The following PRKAG2 variants were observed in gnomAD, a reference collection of about 807,000 sequenced individuals.
PRKAG2 encodes 5'-AMP-activated protein kinase subunit gamma-2.
Under a neutral mutation model 69.6 loss-of-function variants are expected in PRKAG2, and 26 were observed. That is an observed-to-expected ratio of 0.37 (90% CI 0.27 to 0.52). The LOEUF (loss-of-function observed/expected upper bound fraction) is 0.52. PRKAG2 is among the 20% of genes least tolerant of loss of function. PRKAG2 has a pLI of 0.90. For synonymous variants in PRKAG2, 293 were observed against 285.0 expected (o/e 1.03, Z -0.28); for missense variants, 557 against 740.0 (o/e 0.75, Z 2.87).
intron 3 of PRKAG2, among the ~76,000 whole-genome samples, chr7:151,723,039 A>G (rs1797369687): frequency 6.6e-6 from 1 of 152,056 alleles, no homozygotes. Context: ...ACCGCAGGAG[A>G]ACTGGAGAAA....
chr7:151,665,212 G>C (rs2151439640), intron 4 of PRKAG2, among the ~76,000 whole-genome samples: 1 of 152,226 alleles, frequency 6.6e-6, no homozygotes, highest in Middle Eastern at 3.4e-3. Flanking sequence ...TCAGTGCCTA[G>C]GACAGTGCCA....
chr7:151,714,647 C>T (rs917559784), intron 3 of PRKAG2, among the ~76,000 whole-genome samples: 2 of 152,152 alleles, frequency 1.3e-5, no homozygotes, highest in African/African-American at 4.8e-5. Flanking sequence ...TAAACATCTA[C>T]TTCTAAATTA....
chr7:151,842,885 C>T (rs1010782532), intron 1 of PRKAG2, among the ~76,000 whole-genome samples: 6 of 151,924 alleles, frequency 3.9e-5, no homozygotes, highest in South Asian at 4.1e-4. Context: ...CAGGTGGAAA[C>T]GTGTCTTTAG....
chr7:151,590,274 C>G (rs984592432), intron 6 of PRKAG2, among the ~76,000 whole-genome samples: 2 of 152,238 alleles, frequency 1.3e-5, no homozygotes, highest in African/African-American at 2.4e-5. Context: ...CACCCACAGA[C>G]AGAGAACCCA....
chr7:151,608,908 C>T (rs1012005198), intron 5 of PRKAG2, among the ~76,000 whole-genome samples: 9 of 148,360 alleles, frequency 6.1e-5, no homozygotes, highest in African/African-American at 2.2e-4. Context: ...CTTTTTTGTT[C>T]AAGATGGGGT....
intron 1 of PRKAG2, among the ~76,000 whole-genome samples, chr7:151,825,088 C>T (rs899310286): frequency 1.6e-4 from 24 of 152,014 alleles, no homozygotes; most frequent in African/African-American, 5.8e-4. Flanking sequence ...GTGGCAGGCG[C>T]GTGTAATCTC....
intron 1 of PRKAG2, among the ~76,000 whole-genome samples, chr7:151,870,711 G>C (rs1273729573): frequency 6.6e-6 from 1 of 152,218 alleles, no homozygotes; most frequent in Admixed American, 6.5e-5. Flanking sequence ...AGAGGCTATG[G>C]GGCAGGAGCT....
intron 1 of PRKAG2, among the ~76,000 whole-genome samples, chr7:151,808,466 GC>G (rs775433087): frequency 2.5e-4 from 38 of 152,148 alleles, no homozygotes; most frequent in Non-Finnish European, 5.0e-4. Flanking sequence ...GAAACAGGAG[GC>G]CTCTCTCCTG....
chr7:151,659,396 G>A (rs1829970725), intron 4 of PRKAG2, among the ~76,000 whole-genome samples: 2 of 152,178 alleles, frequency 1.3e-5, no homozygotes, highest in African/African-American at 4.8e-5. Context: ...GGTTAACAGG[G>A]TAAATGCTGA....
At chr7:151,758,818 A>G (rs767010209) in intron 3 of PRKAG2, among the ~76,000 whole-genome samples, 1 of 152,232 alleles carries the variant, frequency 6.6e-6, no homozygotes. Context: ...AATAACAGCT[A>G]TATTTCAGGG....
At chr7:151,845,935 G>A (rs977083610) in intron 1 of PRKAG2, among the ~76,000 whole-genome samples, 9 of 152,156 alleles carry the variant, frequency 5.9e-5, no homozygotes, top group Non-Finnish European at 1.3e-4. Flanking sequence ...GTATGGTCCC[G>A]GAACACAGAC....
chr7:151,616,841 G>A (rs1175165229), intron 5 of PRKAG2, among the ~76,000 whole-genome samples: 1 of 152,184 alleles, frequency 6.6e-6, no homozygotes. Flanking sequence ...AAAGAACATG[G>A]CATGTTTGAA....
rs540238598 is a variant in PRKAG2 at position 151,850,963 on chromosome 7, G to A, written c.114+25544C>T. Among the ~76,000 whole-genome samples, 2 of 152,248 alleles carry A rather than the reference G, an allele frequency of 1.3e-5. No individual in the cohort carries two copies. The highest frequency in any genetic ancestry group is 1.9e-4 in the East Asian group (1 of 5,160). On this transcript the variant is annotated intron_variant, in intron 1 of 15. Transcript: ENST00000287878. The surrounding 1 kb of genome is among the most constrained non-coding windows in gnomAD (Gnocchi z 4.1). ...GAGCTCCAAGGCACGGCCCACAGGG[G>A]TACCCCTGCTCCCCAACCCGCAAAT...
intron 6 of PRKAG2, among the ~76,000 whole-genome samples, chr7:151,586,407 A>G (rs879514589): frequency 2.6e-5 from 4 of 152,184 alleles, no homozygotes; most frequent in Admixed American, 2.0e-4. Flanking sequence ...TACATTCCCC[A>G]GCCTCTGCTT....
At chr7:151,560,342 T>C (rs752052961) in intron 15 of PRKAG2, 182 bp downstream of exon 15, 1 of 1,515,210 alleles carries the variant, frequency 6.6e-7, no homozygotes, top group Admixed American at 2.0e-5. Flanking sequence ...TACACTTTCC[T>C]CACTCACGCA....
intron 3 of PRKAG2, among the ~76,000 whole-genome samples, chr7:151,675,888 A>C (rs1272359651): frequency 1.3e-5 from 2 of 152,164 alleles, no homozygotes; most frequent in African/African-American, 4.8e-5. Context: ...AAGAAGCCAA[A>C]TTATTCTGAA....
At chr7:151,592,356 G>A (rs1455183830) in intron 6 of PRKAG2, among the ~76,000 whole-genome samples, 1 of 152,144 alleles carries the variant, frequency 6.6e-6, no homozygotes, top group African/African-American at 2.4e-5. Context: ...ATATCTACAT[G>A]GATCCCCAGG....
chr7:151,576,045 G>A (rs953841000), intron 7 of PRKAG2: 2 of 367,692 alleles, frequency 5.4e-6, no homozygotes, highest in Admixed American at 4.0e-5. Flanking sequence ...ACAGTGCAGC[G>A]ATCATGGCCT....
At chr7:151,857,164 GGGAT>G (rs1252163596) in intron 1 of PRKAG2, among the ~76,000 whole-genome samples, 1 of 147,098 alleles carries the variant, frequency 6.8e-6, no homozygotes, top group African/African-American at 2.5e-5. Context: ...GGGAGTATAA[GGGAT>G]GGGCACAGAA....
Sources: gnomAD v4.1 joint callset for allele counts (sites outside exome capture counted in the v4.1 genomes callset) on GRCh38, gnomAD v4.1.1 for gene constraint, Gnocchi (gnomAD v3.1) non-coding constraint, MANE v1.5 for transcripts, NCBI Gene and HGNC (gene_info 2026-07-23, HGNC 2026-07-21) for gene names.